Variants in ADAMTSL1 observed in about 807,000 individuals in gnomAD.
The protein encoded by ADAMTSL1 is ADAMTS like 1.
Under a neutral mutation model 201.8 loss-of-function variants are expected in ADAMTSL1, and 126 were observed. That is an observed-to-expected ratio of 0.62 (90% CI 0.54 to 0.72). The LOEUF (loss-of-function observed/expected upper bound fraction) is 0.72. Ranked by LOEUF, ADAMTSL1 falls within the 30% of genes least tolerant of loss-of-function variation. The pLI is 0.00. For missense variants in ADAMTSL1, 2,679 were observed against 2,277.8 expected (o/e 1.18, Z -3.59); for synonymous variants, 1,121 against 903.4 (o/e 1.24, Z -4.32).
chr9:18,021,848 G>A (rs1178935391), intron 1 of ADAMTSL1, among the ~76,000 whole-genome samples: 1 of 152,078 alleles, frequency 6.6e-6, no homozygotes, highest in Admixed American at 6.6e-5. Flanking sequence ...CTTGAAACAA[G>A]AAGATAATAA....
chr9:18,450,629 T>C (rs1820368245), intron 2 of ADAMTSL1, among the ~76,000 whole-genome samples: 1 of 151,832 alleles, frequency 6.6e-6, no homozygotes, highest in South Asian at 2.1e-4. Context: ...CATATGTGTG[T>C]ATACACACAC....
At chr9:18,356,604 A>AACACACACACACAC (rs67090987) in intron 2 of ADAMTSL1, among the ~76,000 whole-genome samples, 25 of 143,552 alleles carry the variant, frequency 1.7e-4, no homozygotes, top group African/African-American at 5.7e-4. Flanking sequence ...TACACAATAA[A>AACACACACACACAC]ACACACACAC....
intron 2 of ADAMTSL1, among the ~76,000 whole-genome samples, chr9:18,186,272 A>G (rs1189275002): frequency 6.6e-6 from 1 of 152,182 alleles, no homozygotes; most frequent in Admixed American, 6.6e-5. Flanking sequence ...TAAGGAAACA[A>G]CTACTATTGA....
intron 1 of ADAMTSL1, among the ~76,000 whole-genome samples, chr9:18,150,492 T>C (rs1049515720): frequency 6.6e-6 from 1 of 151,946 alleles, no homozygotes; most frequent in African/African-American, 2.4e-5. Flanking sequence ...AAAGTCAGAG[T>C]TTCTGTTTGC....
chr9:18,300,575 C>T (rs1190234762), intron 2 of ADAMTSL1, among the ~76,000 whole-genome samples: 3 of 152,098 alleles, frequency 2.0e-5, no homozygotes, highest in Admixed American at 6.5e-5. Flanking sequence ...CAAAACTGCA[C>T]GTTGTGCACA....
chr9:18,428,367 G>A (rs1819323531), intron 2 of ADAMTSL1, among the ~76,000 whole-genome samples: 1 of 150,438 alleles, frequency 6.6e-6, no homozygotes, highest in Non-Finnish European at 1.5e-5. Context: ...TGAGTCCAAG[G>A]TGGGAGGATT....
chr9:17,984,279 C>T (rs1391783516), intron 1 of ADAMTSL1, among the ~76,000 whole-genome samples: 1 of 151,706 alleles, frequency 6.6e-6, no homozygotes, highest in Non-Finnish European at 1.5e-5. Context: ...CTCTCAGCAC[C>T]CAGATTATGA....
At chr9:18,833,150 C>T (rs1041893233) in intron 23 of ADAMTSL1, among the ~76,000 whole-genome samples, 3 of 152,224 alleles carry the variant, frequency 2.0e-5, no homozygotes, top group Non-Finnish European at 4.4e-5. Context: ...TTTTCCATAA[C>T]TATAAAAATG....
intron 2 of ADAMTSL1, among the ~76,000 whole-genome samples, chr9:18,294,292 T>C (rs998758176): frequency 6.6e-6 from 1 of 152,210 alleles, no homozygotes; most frequent in Non-Finnish European, 1.5e-5. Context: ...TCAGGTTTCC[T>C]CTAATATTGG....
At chr9:18,058,313 G>A (rs1272390819) in intron 1 of ADAMTSL1, among the ~76,000 whole-genome samples, 2 of 152,090 alleles carry the variant, frequency 1.3e-5, no homozygotes, top group Admixed American at 6.6e-5. Context: ...TATCTGCTGG[G>A]TACCTAAATA....
chr9:18,644,385 A>T (rs535219778), intron 7 of ADAMTSL1, among the ~76,000 whole-genome samples: 6 of 151,046 alleles, frequency 4.0e-5, no homozygotes, highest in Non-Finnish European at 8.9e-5. Context: ...TTTTATTTTT[A>T]TTTTTTTAAT....
intron 1 of ADAMTSL1, among the ~76,000 whole-genome samples, chr9:18,136,391 C>T (rs1826159120): frequency 6.6e-6 from 1 of 152,056 alleles, no homozygotes; most frequent in African/African-American, 2.4e-5. Flanking sequence ...GGCCTATATT[C>T]TCTAAAATCC....
intron 1 of ADAMTSL1, among the ~76,000 whole-genome samples, chr9:17,973,982 AT>A (rs1818329373): frequency 6.6e-6 from 1 of 151,770 alleles, no homozygotes; most frequent in Non-Finnish European, 1.5e-5. Context: ...TTATTGGTGT[AT>A]AAGAATGCTT....
chr9:18,000,118 C>T (rs564289936), intron 1 of ADAMTSL1, among the ~76,000 whole-genome samples: 123 of 150,334 alleles, frequency 8.2e-4, no homozygotes, highest in Non-Finnish European at 1.4e-3. Context: ...GGGTATATAC[C>T]CAGTAATGGG....
intron 6 of ADAMTSL1, among the ~76,000 whole-genome samples, chr9:18,638,127 G>A (rs1025753602): frequency 1.3e-4 from 20 of 152,040 alleles, no homozygotes; most frequent in Admixed American, 6.6e-5. Flanking sequence ...GGGCAAGGGA[G>A]TGAAGCCTGG....
chr9:18,426,640 A>G (rs985191930), intron 2 of ADAMTSL1, among the ~76,000 whole-genome samples: 1 of 152,146 alleles, frequency 6.6e-6, no homozygotes, highest in Non-Finnish European at 1.5e-5. Flanking sequence ...TAACCCATCA[A>G]AGATCACAGA....
chr9:18,161,098 G>A (rs898144376), intron 1 of ADAMTSL1, among the ~76,000 whole-genome samples: 1 of 151,856 alleles, frequency 6.6e-6, no homozygotes, highest in Admixed American at 6.6e-5. Context: ...TAAAATGTGA[G>A]CATTTCTTGG....
intron 20 of ADAMTSL1, among the ~76,000 whole-genome samples, chr9:18,798,440 A>G (rs989345048): frequency 2.0e-5 from 3 of 152,250 alleles, no homozygotes; most frequent in African/African-American, 4.8e-5. Context: ...AAAAATGTTT[A>G]TAATTGTGGC....
chr9:18,660,201 T>C (rs1251241603), intron 8 of ADAMTSL1, among the ~76,000 whole-genome samples: 1 of 152,240 alleles, frequency 6.6e-6, no homozygotes, highest in Non-Finnish European at 1.5e-5. Context: ...AAGACTGTTC[T>C]GAGTGAAGAT....
Sources: allele counts gnomAD v4.1 joint callset (sites outside exome capture counted in the v4.1 genomes callset), GRCh38; gene constraint gnomAD v4.1.1; transcripts MANE v1.5; gene names NCBI Gene and HGNC (gene_info 2026-07-23, HGNC 2026-07-21).